ANAPC1: variants seen among roughly 807,000 people sequenced by gnomAD.
ANAPC1 encodes anaphase promoting complex subunit 1.
In ANAPC1, 36 loss-of-function variants were observed where a neutral mutation model predicts 208.0. The ratio of observed to expected loss-of-function variants is 0.17; its 90% CI spans 0.13 to 0.23. The LOEUF is 0.23. Among genes scored for constraint, ANAPC1 ranks in the 10% least tolerant of loss-of-function variants. ANAPC1 has a pLI of 1.00. For synonymous variants in ANAPC1, 378 were observed against 695.2 expected (o/e 0.54, Z 7.18); for missense variants, 942 against 2,011.6 (o/e 0.47, Z 10.17).
At chr2:111,852,056 T>C (rs1283807515) in intron 13 of ANAPC1, among the ~76,000 whole-genome samples, 1 of 150,540 alleles carries the variant, frequency 6.6e-6, no homozygotes, top group African/African-American at 2.4e-5. Context: ...AAAACAAAAA[T>C]AACAGTGAGA....
intron 17 of ANAPC1, among the ~76,000 whole-genome samples, chr2:111,842,441 A>C (rs1260205946): frequency 6.6e-6 from 1 of 152,138 alleles, no homozygotes; most frequent in East Asian, 1.9e-4. Context: ...CAGGAGATCA[A>C]GACCATCCTG....
intron 10 of ANAPC1, among the ~76,000 whole-genome samples, chr2:111,859,246 G>A (rs1681918336): frequency 6.6e-6 from 1 of 152,122 alleles, no homozygotes; most frequent in African/African-American, 2.4e-5. Context: ...ACTTTGGGAG[G>A]CCGAGGTGGG....
intron 20 of ANAPC1, 76 bp from the exon 21 acceptor site, chr2:111,831,510 G>A (rs1680128962): frequency 1.7e-6 from 2 of 1,172,436 alleles, no homozygotes; most frequent in African/African-American, 3.1e-5. Flanking sequence ...AACGGAAGAT[G>A]ATCAACAGTT....
Position 111,833,262 on chromosome 2 carries a change from T to G in ANAPC1, c.2434A>C (p.Thr812Pro), listed in dbSNP as rs769523865. The G allele has an allele frequency of 5.0e-6, 8 of 1,603,396 alleles. No individual in the cohort carries two copies. The African/African-American group carries it at 1.1e-4, about 21-fold the overall frequency. Residue 812 changes from threonine (T) to proline (P), a missense_variant, in exon 20 of 48, where the codon ACG becomes CCG. Thr to Pro is a conservative substitution (Grantham distance 38). Transcript: ENST00000341068. The stretch of plus-strand genomic sequence containing the variant: ...ACTTGTCCAGTAGTTCTGACAAGCG[T>G]TGGGTAGTCTCTATAGTAATGATCT... ...YVDHYYRDYP[T>P]LVRTTGQVCT... is the part of the protein sequence containing the mutation.
chr2:111,788,995 G>A (rs1310509127), intron 38 of ANAPC1, among the ~76,000 whole-genome samples: 4 of 152,382 alleles, frequency 2.6e-5, no homozygotes, highest in South Asian at 2.1e-4. Flanking sequence ...AAAATTAGCC[G>A]GGCGCCGTGG....
At chr2:111,874,382 T>C (rs370848772) in intron 3 of ANAPC1, among the ~76,000 whole-genome samples, 6 of 152,206 alleles carry the variant, frequency 3.9e-5, no homozygotes, top group African/African-American at 9.6e-5. Context: ...TTTCCAGAAC[T>C]TTTTCCTCAT....
intron 11 of ANAPC1, among the ~76,000 whole-genome samples, chr2:111,857,804 GTCAGCTGATGA>G (rs1681816622): frequency 6.6e-6 from 1 of 152,124 alleles, no homozygotes; most frequent in Non-Finnish European, 1.5e-5. Context: ...CCAAAAGTCC[GTCAGCTGATGA>G]ACAGATAAGC....
chr2:111,786,952 T>A (rs1451881005), intron 39 of ANAPC1, among the ~76,000 whole-genome samples: 2 of 151,210 alleles, frequency 1.3e-5, no homozygotes, highest in African/African-American at 2.4e-5. Context: ...ATGGAGACCA[T>A]CCTGGCTAAT....
At chr2:111,831,525 G>A (rs1023865221) in intron 20 of ANAPC1, 91 bp from the exon 21 acceptor site, 32 of 1,095,082 alleles carry the variant, frequency 2.9e-5, no homozygotes, top group Non-Finnish European at 4.0e-6. Context: ...ACAGTTACTT[G>A]TCATTTTGAA....
intron 24 of ANAPC1, among the ~76,000 whole-genome samples, chr2:111,824,048 C>T (rs2675759): frequency 2.0e-5 from 3 of 150,424 alleles, no homozygotes; most frequent in Admixed American, 6.7e-5. Context: ...TTCTAAATTT[C>T]ATAATACTAT....
intron 1 of ANAPC1, among the ~76,000 whole-genome samples, chr2:111,883,304 A>G (rs1683420154): frequency 6.6e-6 from 1 of 151,942 alleles, no homozygotes; most frequent in South Asian, 2.1e-4. Context: ...TAGTTCTGCA[A>G]TTTTATAATG....
At chr2:111,856,068 T>G (rs1681698928) in intron 13 of ANAPC1, among the ~76,000 whole-genome samples, 1 of 152,134 alleles carries the variant, frequency 6.6e-6, no homozygotes. Flanking sequence ...ACCCCGTCTC[T>G]ACTAAAAATA....
chr2:111,842,066 G>A (rs1018470815), intron 17 of ANAPC1, among the ~76,000 whole-genome samples: 1 of 152,030 alleles, frequency 6.6e-6, no homozygotes, highest in African/African-American at 2.4e-5. Context: ...TGGTTAAAGA[G>A]TCGTGAAAAA....
At chr2:111,816,244 GCAGA>G in intron 27 of ANAPC1, among the ~76,000 whole-genome samples, 1 of 148,530 alleles carries the variant, frequency 6.7e-6, no homozygotes, top group South Asian at 2.1e-4. Context: ...CACCTGGGCA[GCAGA>G]CAGAGACTGC....
At chr2:111,813,108 GGA>G (rs1175402693) in intron 28 of ANAPC1, among the ~76,000 whole-genome samples, 3 of 97,276 alleles carry the variant, frequency 3.1e-5, no homozygotes, top group African/African-American at 1.1e-4. Context: ...TTACCATCCA[GGA>G]GTCCCGGGTG....
chr2:111,840,315 T>G (rs1452366852), intron 17 of ANAPC1, among the ~76,000 whole-genome samples: 4 of 152,208 alleles, frequency 2.6e-5, no homozygotes, highest in Admixed American at 1.3e-4. Context: ...GAAAACCATT[T>G]GCCAATGAGG....
chr2:111,816,270 G>GA (rs71274917), intron 27 of ANAPC1, among the ~76,000 whole-genome samples: 31 of 128,256 alleles, frequency 2.4e-4, no homozygotes, highest in Middle Eastern at 4.1e-3. Flanking sequence ...TCTCAAAAAA[G>GA]AAAAAAAAAA....
intron 25 of ANAPC1, chr2:111,821,699 C>T (rs1191992093): frequency 1.1e-4 from 46 of 432,010 alleles, no homozygotes; most frequent in African/African-American, 8.0e-4. Flanking sequence ...TTTGGGAGGC[C>T]GAGGTGGGCG....
intron 6 of ANAPC1, among the ~76,000 whole-genome samples, chr2:111,869,161 C>T (rs573834749): frequency 1.3e-5 from 2 of 152,260 alleles, no homozygotes; most frequent in African/African-American, 2.4e-5. Flanking sequence ...TCCTGTAACG[C>T]GTAAGGAAAC....
Sources: gnomAD v4.1 joint callset for allele counts (sites outside exome capture counted in the v4.1 genomes callset) on GRCh38, gnomAD v4.1.1 for gene constraint, MANE v1.5 for transcripts, NCBI Gene and HGNC (gene_info 2026-07-23, HGNC 2026-07-21) for gene names.